SLC26A5: variants seen among roughly 807,000 people sequenced by gnomAD.
The protein encoded by SLC26A5 is solute carrier family 26 member 5.
A neutral mutation model predicts 81.0 loss-of-function variants in SLC26A5; 51 were observed. The ratio of observed to expected loss-of-function variants is 0.63; its 90% CI spans 0.50 to 0.80. The LOEUF (loss-of-function observed/expected upper bound fraction) is 0.80, where lower values mean the gene tolerates loss of function less well. Among genes scored for constraint, SLC26A5 ranks in the 30% least tolerant of loss-of-function variants. The pLI is 0.00. For synonymous variants in SLC26A5, 325 were observed against 332.8 expected, an observed-to-expected ratio of 0.98 and a Z score of 0.25; for missense variants, 771 against 905.8, an observed-to-expected ratio of 0.85 and a Z score of 1.91.
At chr7:103,420,233 C>A (rs565318684) in intron 4 of SLC26A5, among the ~76,000 whole-genome samples, 1 of 150,134 alleles carries the variant, frequency 6.7e-6, no homozygotes, top group Non-Finnish European at 1.5e-5. Context: ...AATGCCCAAG[C>A]AGTGTACTGA....
intron 2 of SLC26A5, among the ~76,000 whole-genome samples, chr7:103,428,613 A>G (rs183408619): frequency 2.3e-5 from 3 of 133,212 alleles, no homozygotes; most frequent in East Asian, 4.5e-4. Flanking sequence ...CCCAGGCTGT[A>G]GTGCAGTGGC....
intron 10 of SLC26A5, 26 bp from the exon 11 acceptor site, chr7:103,391,761 A>G (rs1331502611): frequency 6.3e-7 from 1 of 1,576,982 alleles, no homozygotes; most frequent in African/African-American, 1.3e-5. Context: ...ACAAAACACA[A>G]AAGAGATAGG....
At chr7:103,381,775 A>C (rs990806972) in intron 14 of SLC26A5, among the ~76,000 whole-genome samples, 1 of 151,684 alleles carries the variant, frequency 6.6e-6, no homozygotes, top group Non-Finnish European at 1.5e-5. Context: ...ACACACACAC[A>C]CACCCATATA....
At chr7:103,426,236 G>A (rs912596097) in intron 2 of SLC26A5, among the ~76,000 whole-genome samples, 4 of 152,178 alleles carry the variant, frequency 2.6e-5, no homozygotes, top group African/African-American at 9.7e-5. Context: ...GGCAAATGCA[G>A]TCTTAACTGT....
At chr7:103,420,648 A>G (rs575226649) in intron 4 of SLC26A5, 90 bp downstream of exon 4, 1 of 1,510,636 alleles carries the variant, frequency 6.6e-7, no homozygotes, top group East Asian at 2.3e-5. Flanking sequence ...TATGATAAAA[A>G]TTATGAATTT....
At chr7:103,355,240 T>C (rs1334971460) in intron 19 of SLC26A5, among the ~76,000 whole-genome samples, 1 of 152,210 alleles carries the variant, frequency 6.6e-6, no homozygotes, top group Non-Finnish European at 1.5e-5. Context: ...TCAAAAAACT[T>C]TTTTGGATAA....
At position 103,379,283 on chromosome 7, in the gene SLC26A5, T is replaced by C. The variant is rs773369961; in HGVS notation, c.1637A>G (p.Tyr546Cys). The C allele has an allele frequency of 7.4e-6, 12 of 1,611,614 alleles. No homozygotes were observed. Among genetic ancestry groups the C allele is most frequent in the Non-Finnish European group, 1.0e-5 (12 of 1,178,022 alleles). ...ATTGCTATACAAGTCGCTATTTGCA[T>C]AGTAAATTGGTGCATTTATTTGAAA... Reference protein sequence around the residue: ...KIFQINAPIYYANSDLYSNAL... With the variant: ...KIFQINAPIYCANSDLYSNAL... The change falls in exon 16 of 20, where the codon TAT becomes TGT. Residue 546 changes from tyrosine (Y) to cysteine (C), a missense_variant. Coordinates refer to ENST00000306312, the MANE Select transcript of SLC26A5 (RefSeq NM_198999.3).
chr7:103,354,288 A>G (rs1279309699), intron 19 of SLC26A5, among the ~76,000 whole-genome samples: 1 of 152,168 alleles, frequency 6.6e-6, no homozygotes, highest in African/African-American at 2.4e-5. Flanking sequence ...TACTATATTT[A>G]ACAAGTATTA....
At chr7:103,375,013 G>T (rs962978364) in intron 19 of SLC26A5, among the ~76,000 whole-genome samples, 1 of 146,924 alleles carries the variant, frequency 6.8e-6, no homozygotes, top group Non-Finnish European at 1.5e-5. Context: ...GATAAGAAAA[G>T]TGGGGAAAAA....
intron 4 of SLC26A5, among the ~76,000 whole-genome samples, chr7:103,415,600 T>C (rs555329948): frequency 1.3e-5 from 2 of 152,214 alleles, no homozygotes; most frequent in African/African-American, 2.4e-5. Context: ...TGGCATCAGG[T>C]TGAGAAAACT....
chr7:103,371,235 T>C (rs1375827712), downstream of SLC26A5, among the ~76,000 whole-genome samples: 4 of 152,192 alleles, frequency 2.6e-5, no homozygotes, highest in African/African-American at 9.7e-5. Flanking sequence ...GTGCTTTTAA[T>C]ATACATAACA....
chr7:103,376,926 T>TA (rs1489618179), intron 18 of SLC26A5, 64 bp from the exon 19 acceptor site: 1 of 1,138,126 alleles, frequency 8.8e-7, no homozygotes, highest in Non-Finnish European at 1.3e-6. Flanking sequence ...AGTCTCTTTT[T>TA]ACCAATGTTT....
intron 2 of SLC26A5, among the ~76,000 whole-genome samples, chr7:103,439,411 C>A (rs554157596): frequency 6.6e-6 from 1 of 152,288 alleles, no homozygotes; most frequent in African/African-American, 2.4e-5. Context: ...CCTGTGTGAT[C>A]TTTAGCACCC....
At chr7:103,380,220 C>G (rs143452425) in intron 15 of SLC26A5, among the ~76,000 whole-genome samples, 19 of 152,132 alleles carry the variant, frequency 1.2e-4, no homozygotes, top group African/African-American at 4.3e-4. Flanking sequence ...AGTTTCAATA[C>G]TGTATAAATG....
intron 19 of SLC26A5, chr7:103,364,283 G>A: frequency 6.2e-7 from 1 of 1,614,190 alleles, no homozygotes; most frequent in Non-Finnish European, 8.5e-7. Flanking sequence ...TTGGATCTGA[G>A]CTTGTACAGA....
intron 8 of SLC26A5, among the ~76,000 whole-genome samples, chr7:103,400,941 C>A (rs1823540272): frequency 6.6e-6 from 1 of 152,110 alleles, no homozygotes; most frequent in African/African-American, 2.4e-5. Context: ...GGTACCAGTA[C>A]CATGCTGTTT....
At chr7:103,414,946 C>T (rs1824790974) in intron 4 of SLC26A5, among the ~76,000 whole-genome samples, 1 of 152,112 alleles carries the variant, frequency 6.6e-6, no homozygotes, top group Non-Finnish European at 1.5e-5. Context: ...TCAGTCTCCT[C>T]GTTCCCTCAT....
rs189303995 is a variant in SLC26A5, at chr7:103,375,245, G to C, written c.2042-653C>G. On this transcript the variant is annotated intron_variant, in intron 19 of 19. Coordinates refer to ENST00000306312, the MANE Select transcript of SLC26A5 (RefSeq NM_198999.3). ...CCACTACATCGTATTCTATTGTATA[G>C]ATGTCCCTAGTTTATTTAACTAGTC... Among the ~76,000 whole-genome samples, 59 of 151,354 alleles carry C rather than the reference G, an allele frequency of 3.9e-4. 1 individual carries two copies. The highest frequency in any genetic ancestry group is 1.3e-4 in the Non-Finnish European group (9 of 67,856).
chr7:103,407,950 G>T lies in SLC26A5; in HGVS notation c.789C>A (p.Gly263=). The T allele has an allele frequency of 6.2e-7, 1 of 1,614,080 alleles. No homozygotes were observed. The highest frequency in any genetic ancestry group is 8.5e-7 in the Non-Finnish European group (1 of 1,180,020). ...GCAAACCAAAAACCATCAGCCCGAC[G>T]CCTAGGGAACACACGTTGAGGTTTT... The part of the protein sequence containing the change: ...NVKNLNVCSL[G]VGLMVFGLLL... The change falls in exon 8 of 20, where the codon GGC becomes GGA. Residue 263 remains glycine (G), a synonymous_variant. Coordinates refer to ENST00000306312, the MANE Select transcript of SLC26A5 (RefSeq NM_198999.3).
Sources: gnomAD v4.1 joint callset for allele counts (sites outside exome capture counted in the v4.1 genomes callset) on GRCh38, gnomAD v4.1.1 for gene constraint, MANE v1.5 for transcripts, NCBI Gene and HGNC (gene_info 2026-07-23, HGNC 2026-07-21) for gene names.